Variants in ACLY observed in about 807,000 individuals in gnomAD.
The protein encoded by ACLY is ATP citrate lyase, also known as ATP-citrate synthase.
Under a neutral mutation model 133.0 loss-of-function variants are expected in ACLY, and 41 were observed. The observed-to-expected ratio is 0.31, with a 90% CI of 0.24 to 0.40. The LOEUF (loss-of-function observed/expected upper bound fraction) is 0.40, where lower values mean the gene tolerates loss of function less well. ACLY is among the 10% of genes least tolerant of loss of function. The pLI, the probability that ACLY is intolerant of heterozygous loss-of-function variation, is 1.00. For synonymous variants in ACLY, 495 were observed against 549.3 expected (o/e 0.90, Z 1.38); for missense variants, 1,046 against 1,453.8 (o/e 0.72, Z 4.56).
At chr17:41,912,113 AAAAAAAAAAAAAAAAG>A (rs1358711902) in intron 3 of ACLY, among the ~76,000 whole-genome samples, 1 of 143,410 alleles carries the variant, frequency 7.0e-6, no homozygotes, top group Non-Finnish European at 1.5e-5. Flanking sequence ...GACCCTGTCA[AAAAAAAAAAAAAAAAG>A]AATCAGACCA....
At position 41,898,333 on chromosome 17, in the gene ACLY, G is replaced by A. The variant is rs57018192; in HGVS notation, c.1338+298C>T. Among the ~76,000 whole-genome samples the A allele has an allele frequency of 5.8e-3, 884 of 152,172 alleles. 7 individuals carry two copies. The highest frequency in any genetic ancestry group is 0.021 in the African/African-American group (852 of 41,516). On this transcript the variant is annotated intron_variant, in intron 12 of 28. Coordinates refer to ENST00000352035, the MANE Select transcript of ACLY (RefSeq NM_001096.3). ...TCACCATGTTGGCCAGGCTGGTCTC[G>A]AACTCCTGAGCTCAGGTGATCCGCC...
intron 13 of ACLY, among the ~76,000 whole-genome samples, chr17:41,896,961 C>T (rs1020916220): frequency 6.6e-6 from 1 of 152,218 alleles, no homozygotes; most frequent in Non-Finnish European, 1.5e-5. Flanking sequence ...AGCTGGATGA[C>T]TTGAACTCTG....
In ACLY at chr17:41,878,781, C is replaced by T. The variant is rs2048828998; in HGVS notation, c.2393+16G>A. The stretch of plus-strand genomic sequence containing the variant: ...AAAGGAGGGGGAGGCCGGCATCCTC[C>T]CCAAGGTCCACTTACTGGATGATCT... On this transcript the variant is annotated intron_variant, in intron 21 of 28. Transcript: ENST00000352035. 1 of 1,613,316 alleles carries T rather than the reference C, an allele frequency of 6.2e-7. No individual in the cohort carries two copies. Among genetic ancestry groups the T allele is most frequent in the South Asian group, 1.1e-5 (1 of 91,034 alleles).
chr17:41,887,392 C>T (rs559790190), intron 17 of ACLY, among the ~76,000 whole-genome samples: 3 of 152,066 alleles, frequency 2.0e-5, no homozygotes, highest in Admixed American at 1.3e-4. Context: ...GAGCCAGGAT[C>T]GCGCCATTGC....
intron 22 of ACLY, among the ~76,000 whole-genome samples, chr17:41,874,855 G>C (rs1390647342): frequency 6.7e-6 from 1 of 149,348 alleles, no homozygotes; most frequent in African/African-American, 2.5e-5. Context: ...TTACAGGCGT[G>C]AGCCACTGCA....
At chr17:41,887,395 G>A (rs916869538) in intron 17 of ACLY, among the ~76,000 whole-genome samples, 2 of 152,018 alleles carry the variant, frequency 1.3e-5, no homozygotes, top group Non-Finnish European at 2.9e-5. Context: ...CCAGGATCGC[G>A]CCATTGCACT....
intron 1 of ACLY, among the ~76,000 whole-genome samples, chr17:41,927,931 G>A (rs567072482): frequency 6.6e-6 from 1 of 152,100 alleles, no homozygotes; most frequent in Admixed American, 6.6e-5. Context: ...GAGTTCAGGA[G>A]TTCAAAACCA....
chr17:41,884,168 A>AT, intron 19 of ACLY, 25 bp downstream of exon 19: 1 of 1,425,022 alleles, frequency 7.0e-7, no homozygotes, highest in Non-Finnish European at 9.9e-7. Flanking sequence ...TTAAAATCAT[A>AT]ATTTTTTTTT....
chr17:41,907,932 A>G (rs558721324), intron 6 of ACLY, among the ~76,000 whole-genome samples: 1 of 152,124 alleles, frequency 6.6e-6, no homozygotes, highest in African/African-American at 2.4e-5. Flanking sequence ...TTAAAGGTAC[A>G]TGTTGCTGAC....
At chr17:41,871,539 G>A in intron 25 of ACLY, 150 bp downstream of exon 25, 2 of 838,428 alleles carry the variant, frequency 2.4e-6, no homozygotes, top group Non-Finnish European at 3.7e-6. Context: ...ATTTTTAGTA[G>A]AGACGGGGTT....
chr17:41,893,615 A>G (rs1322709333), intron 14 of ACLY, among the ~76,000 whole-genome samples: 2 of 152,234 alleles, frequency 1.3e-5, no homozygotes, highest in African/African-American at 4.8e-5. Context: ...ATGTTCCAAC[A>G]ATGCTTATTA....
upstream of ACLY, chr17:41,919,072 C>T (rs2050136555): frequency 5.7e-6 from 7 of 1,235,484 alleles, no homozygotes; most frequent in Non-Finnish European, 7.3e-6. Context: ...GCCTGAGCGC[C>T]AGGGCTCCTC....
At chr17:41,915,689 G>A (rs1233719185) in intron 1 of ACLY, among the ~76,000 whole-genome samples, 3 of 152,076 alleles carry the variant, frequency 2.0e-5, no homozygotes, top group Admixed American at 2.0e-4. Flanking sequence ...TTCCAGAGAC[G>A]TCCCAACCAC....
At chr17:41,924,394 G>A (rs1174555756) in intron 1 of ACLY, among the ~76,000 whole-genome samples, 7 of 151,734 alleles carry the variant, frequency 4.6e-5, no homozygotes, top group African/African-American at 1.7e-4. Flanking sequence ...TGATCCGCCC[G>A]CCTCAGCCTC....
intron 14 of ACLY, 41 bp from the exon 15 acceptor site, chr17:41,893,215 C>A: frequency 6.3e-7 from 1 of 1,583,368 alleles, no homozygotes; most frequent in Non-Finnish European, 8.6e-7. Flanking sequence ...AGAACACATA[C>A]CCCCAGGAGA....
In ACLY at chr17:41,883,209, C is replaced by T. The variant is rs1136265; in HGVS notation, c.2178G>A (p.Lys726=). The change falls in exon 20 of 29, where the codon AAG becomes AAA. Residue 726 remains lysine, a synonymous_variant. Transcript: ENST00000352035. ...GGCCCTCCTTGATGCCCCGGCAAAT[C>T]TTATATTCCTCAGTGCCCCCAATCT... ...LGEIGGTEEY[K]ICRGIKEGRL... 2 of 1,613,942 alleles carry T rather than the reference C, an allele frequency of 1.2e-6. No homozygotes were observed. The highest frequency in any genetic ancestry group is 1.7e-6 in the Non-Finnish European group (2 of 1,180,028).
intron 1 of ACLY, among the ~76,000 whole-genome samples, chr17:41,918,162 TC>T (rs2050104456): frequency 6.6e-6 from 1 of 152,094 alleles, no homozygotes; most frequent in Non-Finnish European, 1.5e-5. Context: ...TGAGGACCTT[TC>T]CCCGGCCAGA....
At chr17:41,902,514 C>A (rs1325606426) in intron 10 of ACLY, among the ~76,000 whole-genome samples, 7 of 152,100 alleles carry the variant, frequency 4.6e-5, no homozygotes, top group African/African-American at 1.4e-4. Context: ...GCGCCCAGCG[C>A]GGTGTAAGAA....
At chr17:41,930,480 A>G in exon 1 of ACLY, 2 of 462,718 alleles carry the variant, frequency 4.3e-6, no homozygotes, top group East Asian at 7.8e-5. Context: ...GTGCAACAGC[A>G]AACACTAACC....
Sources: allele counts gnomAD v4.1 joint callset (sites outside exome capture counted in the v4.1 genomes callset), GRCh38; gene constraint gnomAD v4.1.1; transcripts MANE v1.5; gene names NCBI Gene and HGNC (gene_info 2026-07-23, HGNC 2026-07-21).